The following PPP3CB variants were observed in gnomAD, a reference collection of about 807,000 sequenced individuals.
PPP3CB encodes protein phosphatase 3 catalytic subunit beta.
Under a neutral mutation model 66.4 loss-of-function variants are expected in PPP3CB, and 8 were observed. That is an observed-to-expected ratio of 0.12 (90% CI 0.07 to 0.22). The LOEUF is 0.22. Ranked by LOEUF, PPP3CB falls within the 10% of genes least tolerant of loss-of-function variation. The pLI is 1.00. For synonymous variants in PPP3CB, 208 were observed against 221.2 expected, an observed-to-expected ratio of 0.94 and a Z score of 0.53; for missense variants, 319 against 642.5, an observed-to-expected ratio of 0.50 and a Z score of 5.44.
chr10:73,493,401 A>C (rs554096095), intron 1 of PPP3CB, among the ~76,000 whole-genome samples: 51 of 152,346 alleles, frequency 3.3e-4, no homozygotes, highest in African/African-American at 1.2e-3. Context: ...TGGACTTAAA[A>C]GAAATTTGGA....
intron 12 of PPP3CB, among the ~76,000 whole-genome samples, chr10:73,443,365 AAG>A (rs1299165354): frequency 6.6e-6 from 1 of 152,046 alleles, no homozygotes; most frequent in Non-Finnish European, 1.5e-5. Flanking sequence ...AAGAAAAAAA[AAG>A]AGCACTTATT....
intron 10 of PPP3CB, chr10:73,448,634 C>G (rs768552889): frequency 3.8e-6 from 2 of 533,030 alleles, no homozygotes; most frequent in Admixed American, 3.9e-5. Flanking sequence ...AGTCATATTT[C>G]AAAACAATGT....
intron 1 of PPP3CB, among the ~76,000 whole-genome samples, chr10:73,494,359 C>T (rs2057135075): frequency 6.6e-6 from 1 of 152,162 alleles, no homozygotes; most frequent in Non-Finnish European, 1.5e-5. Context: ...CAAATCTCGG[C>T]TCACTGCAAC....
intron 13 of PPP3CB, among the ~76,000 whole-genome samples, chr10:73,439,093 C>T (rs1053065948): frequency 6.6e-6 from 1 of 152,052 alleles, no homozygotes; most frequent in Non-Finnish European, 1.5e-5. Context: ...TCTTTGGAAA[C>T]TCAAATCAAA....
chr10:73,456,851 A>G (rs1055077207), intron 9 of PPP3CB, among the ~76,000 whole-genome samples: 8 of 152,198 alleles, frequency 5.3e-5, no homozygotes, highest in Non-Finnish European at 1.2e-4. Flanking sequence ...CAAAATTAAA[A>G]AACTTTTTGA....
At chr10:73,460,935 G>A (rs565963917) in intron 9 of PPP3CB, among the ~76,000 whole-genome samples, 2 of 152,310 alleles carry the variant, frequency 1.3e-5, no homozygotes, top group East Asian at 3.9e-4. Context: ...ACACTACTAG[G>A]GCAGTGCCAA....
At chr10:73,473,618 T>G (rs938704358) in intron 4 of PPP3CB, among the ~76,000 whole-genome samples, 6 of 150,998 alleles carry the variant, frequency 4.0e-5, no homozygotes, top group African/African-American at 1.5e-4. Flanking sequence ...ACCACTGCAC[T>G]CCAGCCAGGG....
intron 9 of PPP3CB, among the ~76,000 whole-genome samples, chr10:73,458,851 C>A (rs961216918): frequency 1.3e-5 from 2 of 149,744 alleles, no homozygotes; most frequent in Admixed American, 6.6e-5. Flanking sequence ...GGGACAATCA[C>A]CTGAGGTCAA....
intron 4 of PPP3CB, among the ~76,000 whole-genome samples, chr10:73,474,652 C>A (rs1451978369): frequency 6.6e-6 from 1 of 151,696 alleles, no homozygotes; most frequent in African/African-American, 2.4e-5. Context: ...GTTGGCCAGG[C>A]TGGTCTCCAA....
At position 73,495,937 on chromosome 10, in the gene PPP3CB, CGGG is replaced by C; in HGVS notation, c.-51_-49del. ...GCTCTGGGCCGGGCGGGGTTGGGGG[CGGG>C]GGCGGCGGCTACCAGAGCCAAGCGG... is the stretch of plus-strand genomic sequence containing the variant. On this transcript the variant is annotated 5_prime_UTR_variant, in exon 1 of 14. Coordinates refer to ENST00000360663, the MANE Select transcript of PPP3CB (RefSeq NM_021132.4). 1 of 173,172 alleles carries C rather than the reference CGGG, an allele frequency of 5.8e-6. No individual in the cohort carries two copies. The highest frequency in any genetic ancestry group is 1.0e-5 in the Non-Finnish European group (1 of 99,002). The allele number at this position is 173,172 out of a possible 1,614,324, so 10.7% of individuals were successfully genotyped here.
rs764774768 is a variant in PPP3CB at position 73,438,290 on chromosome 10, G to A, written c.1527C>T (p.Thr509=). The change falls in exon 14 of 14, where the codon ACC becomes ACT. Residue 509 remains threonine (T), a synonymous_variant. Transcript: ENST00000360663. ...VQQDGFNSLN[T]AHATENHGTG... ...TCCCGTGGTTCTCAGTGGCATGTGC[G>A]GTGTTCAGAGAATTGAAACCATCTT... 1.6e-5 allele frequency: 26 copies of A among 1,614,002 alleles called. No homozygotes were observed. The highest frequency in any genetic ancestry group is 8.8e-5 in the South Asian group (8 of 91,076).
chr10:73,478,418 G>A (rs1403186140), intron 3 of PPP3CB, 81 bp downstream of exon 3: 1 of 1,291,818 alleles, frequency 7.7e-7, no homozygotes, highest in Non-Finnish European at 1.1e-6. Flanking sequence ...CCTAACACAG[G>A]TACTTGTGAA....
At chr10:73,445,642 T>C (rs1310208414) in intron 11 of PPP3CB, among the ~76,000 whole-genome samples, 1 of 151,122 alleles carries the variant, frequency 6.6e-6, no homozygotes, top group African/African-American at 2.4e-5. Flanking sequence ...GGAGATGGGG[T>C]TTCGCCATGT....
In PPP3CB at chr10:73,450,687, A is replaced by T. The variant is rs147184760; in HGVS notation, c.1186+3725T>A. ...ACTCAGTGTATTTTCCCATAGAAAC[A>T]TTGTCATAAATGGTGCTTAACAATT... On this transcript the variant is annotated intron_variant, in intron 10 of 13. Coordinates refer to ENST00000360663, the MANE Select transcript of PPP3CB (RefSeq NM_021132.4). 3.3e-5 allele frequency among the ~76,000 whole-genome samples: 5 copies of T among 152,352 alleles called. No homozygotes were observed. In the East Asian group the frequency reaches 9.6e-4, roughly 29 times the overall value.
In PPP3CB at chr10:73,441,338, A is replaced by T. The variant is rs115428939; in HGVS notation, c.1367-1437T>A. 1.7e-3 allele frequency among the ~76,000 whole-genome samples: 252 copies of T among 152,334 alleles called. 1 individual carries two copies. Among genetic ancestry groups the T allele is most frequent in the African/African-American group, 5.8e-3 (243 of 41,574 alleles). On this transcript the variant is annotated intron_variant, in intron 12 of 13. Coordinates refer to ENST00000360663, the MANE Select transcript of PPP3CB (RefSeq NM_021132.4). ...CAAATCGGGCAGGACATGGAAGATCATGCCTATAACCCCAGCACTCTCGGA... is the reference window on the plus strand; with the variant it reads ...CAAATCGGGCAGGACATGGAAGATCTTGCCTATAACCCCAGCACTCTCGGA...
Position 73,439,860 on chromosome 10 carries a change from C to G in PPP3CB, c.1396+12G>C, listed in dbSNP as rs772777942. On this transcript the variant is annotated intron_variant, in intron 13 of 13. Transcript: ENST00000360663. ...CACAGATCTCTGCCCAGCACAAGGA[C>G]TCTGATCATACCTTTTTCAGCCTCA... The G allele has an allele frequency of 1.2e-6, 2 of 1,612,730 alleles. No homozygotes were observed. The highest frequency in any genetic ancestry group is 4.5e-5 in the East Asian group (2 of 44,878).
At chr10:73,451,742 C>CTTTT (rs765483729) in intron 10 of PPP3CB, among the ~76,000 whole-genome samples, 6 of 124,604 alleles carry the variant, frequency 4.8e-5, no homozygotes, top group African/African-American at 5.9e-5. Flanking sequence ...TCACTCATCT[C>CTTTT]TTTTTTTTTT....
At chr10:73,489,922 T>G (rs1187299873) in intron 1 of PPP3CB, among the ~76,000 whole-genome samples, 2 of 152,148 alleles carry the variant, frequency 1.3e-5, no homozygotes, top group African/African-American at 4.8e-5. Context: ...AACATTATCC[T>G]CTCAGTGACG....
At chr10:73,477,055 T>C (rs1028730432) in intron 3 of PPP3CB, 4 of 449,252 alleles carry the variant, frequency 8.9e-6, no homozygotes, top group African/African-American at 6.1e-5. Context: ...GGGAGTCACA[T>C]TGCCTGGCTA....
Sources: gnomAD v4.1 joint callset for allele counts (sites outside exome capture counted in the v4.1 genomes callset) on GRCh38, gnomAD v4.1.1 for gene constraint, MANE v1.5 for transcripts, NCBI Gene and HGNC (gene_info 2026-07-23, HGNC 2026-07-21) for gene names.